NRXN3: variants seen among roughly 807,000 people sequenced by gnomAD.
NRXN3 encodes neurexin III.
A neutral mutation model predicts 137.6 loss-of-function variants in NRXN3; 32 were observed. That is an observed-to-expected ratio of 0.23 (90% confidence interval 0.18 to 0.31). The LOEUF (loss-of-function observed/expected upper bound fraction) is 0.31, where lower values mean the gene tolerates loss of function less well. Among genes scored for constraint, NRXN3 ranks in the 10% least tolerant of loss-of-function variants. The probability of loss-of-function intolerance (pLI) is 1.00; values close to 1 mark genes in which losing one functional copy is unlikely to be tolerated. For synonymous variants in NRXN3, 798 were observed against 784.5 expected, an observed-to-expected ratio of 1.02 and a Z score of -0.29; for missense variants, 1,574 against 2,062.5, an observed-to-expected ratio of 0.76 and a Z score of 4.59.
At chr14:79,660,612 G>A (rs1275410726) in intron 16 of NRXN3, among the ~76,000 whole-genome samples, 3 of 152,230 alleles carry the variant, frequency 2.0e-5, no homozygotes, top group South Asian at 2.1e-4. Flanking sequence ...GCTGATCAGC[G>A]AACTCACTGA....
At chr14:78,314,940 T>TTTCTTTCC (rs1346012729) in intron 4 of NRXN3, among the ~76,000 whole-genome samples, 1 of 121,126 alleles carries the variant, frequency 8.3e-6, no homozygotes, top group African/African-American at 3.9e-5. Context: ...TCTTTCTTTC[T>TTTCTTTCC]TTCTTCCTTC....
At chr14:79,104,605 G>C (rs768792239) in intron 15 of NRXN3, among the ~76,000 whole-genome samples, 1 of 152,146 alleles carries the variant, frequency 6.6e-6, no homozygotes, top group South Asian at 2.1e-4. Context: ...CTTTCTATTA[G>C]TGTCTGAATT....
At chr14:79,485,821 T>C (rs186689283) in intron 16 of NRXN3, among the ~76,000 whole-genome samples, 1 of 152,306 alleles carries the variant, frequency 6.6e-6, no homozygotes, top group East Asian at 1.9e-4. Context: ...TGTTTTCATA[T>C]ATTTTAACGT....
At chr14:79,058,814 T>G (rs939113243) in intron 15 of NRXN3, among the ~76,000 whole-genome samples, 1 of 152,116 alleles carries the variant, frequency 6.6e-6, no homozygotes, top group Non-Finnish European at 1.5e-5. Flanking sequence ...TCAGGAGATC[T>G]GATGGTTTTA....
intron 2 of NRXN3, among the ~76,000 whole-genome samples, chr14:78,253,161 GGT>G (rs1477145659): frequency 6.6e-6 from 1 of 152,186 alleles, no homozygotes; most frequent in Non-Finnish European, 1.5e-5. Flanking sequence ...TTTAGGCAGA[GGT>G]GTTGTACAAT....
chr14:78,249,289 A>G (rs926260008), intron 2 of NRXN3, among the ~76,000 whole-genome samples: 3 of 152,220 alleles, frequency 2.0e-5, no homozygotes, highest in Admixed American at 2.0e-4. Flanking sequence ...GGTCAGGCAG[A>G]CATTTTGCCA....
chr14:78,252,887 A>G (rs1053301147), intron 2 of NRXN3, among the ~76,000 whole-genome samples: 2 of 152,250 alleles, frequency 1.3e-5, no homozygotes, highest in Non-Finnish European at 2.9e-5. Flanking sequence ...AGCTGAGATC[A>G]CTTCTTTGTG....
At chr14:79,775,734 A>T (rs1261242065) in intron 19 of NRXN3, among the ~76,000 whole-genome samples, 1 of 152,172 alleles carries the variant, frequency 6.6e-6, no homozygotes, top group African/African-American at 2.4e-5. Context: ...CTAAGTAGAC[A>T]TTCTAGCCAA....
At chr14:78,625,308 A>G (rs901872952) in intron 4 of NRXN3, among the ~76,000 whole-genome samples, 9 of 152,238 alleles carry the variant, frequency 5.9e-5, no homozygotes, top group African/African-American at 9.6e-5. Context: ...AAGATAAGCC[A>G]TGGGACTTGC....
intron 16 of NRXN3, among the ~76,000 whole-genome samples, chr14:79,545,194 C>T (rs1271131831): frequency 6.6e-6 from 1 of 152,158 alleles, no homozygotes; most frequent in Non-Finnish European, 1.5e-5. Flanking sequence ...CTTAAAGCAA[C>T]ACAAATTTAT....
chr14:78,403,830 T>C (rs936966740), intron 4 of NRXN3: 6 of 985,280 alleles, frequency 6.1e-6, no homozygotes, highest in African/African-American at 1.7e-5. Flanking sequence ...CTCAGGGATA[T>C]GCACTCTGCA....
At chr14:78,430,349 C>T (rs1440221723) in intron 4 of NRXN3, among the ~76,000 whole-genome samples, 1 of 152,126 alleles carries the variant, frequency 6.6e-6, no homozygotes. Flanking sequence ...GGGGTGAACC[C>T]TGGGAATTAG....
chr14:79,843,191 A>G lies in NRXN3; in HGVS notation c.4094-18151A>G, dbSNP rs552268748. Among the ~76,000 whole-genome samples the G allele has an allele frequency of 3.3e-5, 5 of 152,348 alleles. No homozygotes were observed. The East Asian group carries it at 9.6e-4, about 29-fold the overall frequency. ...TCGGGTTTGGTTCCAAACCATTTCA[A>G]CAAAGTGAATATTACAACAAAGCAA... On this transcript the variant is annotated intron_variant, in intron 20 of 20. Transcript: ENST00000335750.
chr14:79,467,482 T>G (rs1349164766), intron 16 of NRXN3, 80 bp downstream of exon 16: 1 of 1,283,380 alleles, frequency 7.8e-7, no homozygotes, highest in African/African-American at 1.5e-5. Flanking sequence ...CAGCAGAACA[T>G]TCTAGATCAA....
intron 4 of NRXN3, among the ~76,000 whole-genome samples, chr14:78,298,541 C>G (rs2076577950): frequency 6.6e-6 from 1 of 152,230 alleles, no homozygotes; most frequent in Non-Finnish European, 1.5e-5. Flanking sequence ...GCAGGAAATT[C>G]AGCTCAGCTA....
chr14:79,101,638 G>A (rs532093103), intron 15 of NRXN3, among the ~76,000 whole-genome samples: 3 of 152,318 alleles, frequency 2.0e-5, no homozygotes, highest in South Asian at 2.1e-4. Flanking sequence ...TCCATCCTGT[G>A]TGCGGCATGA....
chr14:78,400,850 C>T (rs571509912), intron 4 of NRXN3, among the ~76,000 whole-genome samples: 1 of 152,224 alleles, frequency 6.6e-6, no homozygotes, highest in African/African-American at 2.4e-5. Context: ...TCCTCTGCAC[C>T]CTCCCCCAAT....
At position 79,867,205 on chromosome 14, in the gene NRXN3, TCTCTAG is replaced by T. The variant is rs1203605464; in HGVS notation, c.*5242_*5247del. The T allele has an allele frequency of 1.3e-5, 2 of 152,158 alleles. No individual in the cohort carries two copies. Among genetic ancestry groups the T allele is most frequent in the African/African-American group, 4.8e-5 (2 of 41,420 alleles). 9.4% of individuals were successfully genotyped at this position (152,158 alleles called of 1,614,324 possible). Reference sequence around the variant, plus strand: ...AATTTAGAGCTCTTTCATAAACCTGTCTCTAGAGAAGCAAGTCATTTTCTACTTTTT... The same window carrying T: ...AATTTAGAGCTCTTTCATAAACCTGTAGAAGCAAGTCATTTTCTACTTTTT... On this transcript the variant is annotated 3_prime_UTR_variant, in exon 21 of 21. Transcript: ENST00000335750.
chr14:79,794,794 A>G (rs907806252), intron 19 of NRXN3, among the ~76,000 whole-genome samples: 1 of 152,192 alleles, frequency 6.6e-6, no homozygotes, highest in African/African-American at 2.4e-5. Context: ...GATTACTCCT[A>G]TATGTAAGTG....
Sources: allele counts gnomAD v4.1 joint callset (sites outside exome capture counted in the v4.1 genomes callset), GRCh38; gene constraint gnomAD v4.1.1; transcripts MANE v1.5; gene names NCBI Gene and HGNC (gene_info 2026-07-23, HGNC 2026-07-21).